Variants in THSD7B observed in about 807,000 individuals in gnomAD.
THSD7B encodes thrombospondin type 1 domain containing 7B.
In THSD7B, 138 loss-of-function variants were observed where a neutral mutation model predicts 213.6. That is an observed-to-expected ratio of 0.65 (90% CI 0.56 to 0.74). The LOEUF is 0.74. Ranked by LOEUF, THSD7B falls within the 30% of genes least tolerant of loss-of-function variation. The pLI, the probability that THSD7B is intolerant of heterozygous loss-of-function variation, is 0.00. For synonymous variants in THSD7B, 742 were observed against 687.0 expected (o/e 1.08, Z -1.25); for missense variants, 1,931 against 1,991.5 (o/e 0.97, Z 0.58).
chr2:136,977,102 T>G (rs1457155893), intron 2 of THSD7B, among the ~76,000 whole-genome samples: 7 of 150,806 alleles, frequency 4.6e-5, no homozygotes, highest in Admixed American at 4.6e-4. Context: ...GGTCCTAAGC[T>G]TTTTTTTTGG....
At chr2:136,880,640 T>C (rs941759243) in intron 1 of THSD7B, among the ~76,000 whole-genome samples, 1 of 152,104 alleles carries the variant, frequency 6.6e-6, no homozygotes, top group African/African-American at 2.4e-5. Flanking sequence ...TTTGCAGTCT[T>C]TCTGTCCTTT....
intron 14 of THSD7B, among the ~76,000 whole-genome samples, chr2:137,421,791 G>T (rs1257454978): frequency 6.6e-6 from 1 of 152,190 alleles, no homozygotes; most frequent in East Asian, 1.9e-4. Flanking sequence ...GAGAGATTCT[G>T]TTTCCTGAGG....
At chr2:137,277,463 G>T (rs1437062023) in intron 12 of THSD7B, among the ~76,000 whole-genome samples, 1 of 151,818 alleles carries the variant, frequency 6.6e-6, no homozygotes, top group Non-Finnish European at 1.5e-5. Context: ...TTCAATTTTA[G>T]GATTATGGAA....
chr2:137,218,160 T>A (rs1273777086), intron 7 of THSD7B, among the ~76,000 whole-genome samples: 1 of 152,094 alleles, frequency 6.6e-6, no homozygotes, highest in Non-Finnish European at 1.5e-5. Context: ...AATAAAATAA[T>A]CCTTATTTCA....
chr2:137,263,715 G>T (rs1381998047), intron 10 of THSD7B, among the ~76,000 whole-genome samples: 1 of 152,050 alleles, frequency 6.6e-6, no homozygotes, highest in African/African-American at 2.4e-5. Context: ...TGTTCATTTT[G>T]AAGTACTTCA....
intron 10 of THSD7B, among the ~76,000 whole-genome samples, chr2:137,261,208 T>C (rs1204602686): frequency 6.6e-6 from 1 of 151,966 alleles, no homozygotes; most frequent in Non-Finnish European, 1.5e-5. Flanking sequence ...GAGTTCTTTG[T>C]GGAGGTGTAG....
chr2:136,931,201 G>C (rs1202113829), intron 2 of THSD7B, among the ~76,000 whole-genome samples: 1 of 152,092 alleles, frequency 6.6e-6, no homozygotes, highest in Non-Finnish European at 1.5e-5. Context: ...TGACAAGTAG[G>C]TCGAAGGGAA....
Position 137,618,500 on chromosome 2 carries a change from G to A in THSD7B, c.3674G>A (p.Cys1225Tyr). 2.5e-6 allele frequency: 4 copies of A among 1,613,746 alleles called. No homozygotes were observed. The highest frequency in any genetic ancestry group is 3.4e-6 in the Non-Finnish European group (4 of 1,179,792). Reference sequence around the variant, plus strand: ...GGCAAGCCAGTCAGCATGGACCAATGTGAGCAGGTACTGTGTTTATATTCA... The same window carrying A: ...GGCAAGCCAGTCAGCATGGACCAATATGAGCAGGTACTGTGTTTATATTCA... The part of the protein sequence containing the change: ...SDGKPVSMDQ[C>Y]EQHNLEKPQR... The change falls in exon 19 of 28, where the codon TGT (cysteine) becomes TAT (tyrosine). Residue 1225 changes from cysteine (C) to tyrosine (Y), a missense_variant. By Grantham distance (194) the Cys-to-Tyr change is radical. Transcript: ENST00000409968.
At chr2:137,045,352 A>C (rs765132151) in intron 2 of THSD7B, among the ~76,000 whole-genome samples, 4 of 152,322 alleles carry the variant, frequency 2.6e-5, no homozygotes, top group Non-Finnish European at 5.9e-5. Context: ...ATACTGCAAC[A>C]TTCAATCTTG....
chr2:137,008,913 A>G (rs1229998573), intron 2 of THSD7B, among the ~76,000 whole-genome samples: 7 of 152,320 alleles, frequency 4.6e-5, no homozygotes, highest in Admixed American at 2.6e-4. Flanking sequence ...TATTTGAAAC[A>G]TCAGCTTGGT....
At chr2:137,038,857 A>C (rs916083801) in intron 2 of THSD7B, among the ~76,000 whole-genome samples, 7 of 152,224 alleles carry the variant, frequency 4.6e-5, no homozygotes, top group Non-Finnish European at 1.0e-4. Flanking sequence ...GGTGAGAGTA[A>C]GTTATATGCT....
chr2:136,984,366 A>G (rs1685635871), intron 2 of THSD7B, among the ~76,000 whole-genome samples: 1 of 152,230 alleles, frequency 6.6e-6, no homozygotes, highest in African/African-American at 2.4e-5. Flanking sequence ...GTTTAGCACC[A>G]TCCTCTAGAA....
chr2:137,000,166 A>G (rs1042728823), intron 2 of THSD7B, among the ~76,000 whole-genome samples: 1 of 152,176 alleles, frequency 6.6e-6, no homozygotes, highest in Non-Finnish European at 1.5e-5. Flanking sequence ...AGAGAAGTTC[A>G]GTTGCTATTA....
intron 1 of THSD7B, among the ~76,000 whole-genome samples, chr2:136,847,126 C>T (rs965873470): frequency 1.3e-5 from 2 of 152,014 alleles, no homozygotes; most frequent in Non-Finnish European, 2.9e-5. Context: ...AATGGAATTG[C>T]TTTGATTTGG....
At chr2:137,326,829 A>G (rs1258220008) in intron 12 of THSD7B, among the ~76,000 whole-genome samples, 1 of 152,220 alleles carries the variant, frequency 6.6e-6, no homozygotes, top group African/African-American at 2.4e-5. Context: ...ACACTAGCAC[A>G]GATCAATATA....
chr2:137,278,031 G>A (rs1173740640), intron 12 of THSD7B, among the ~76,000 whole-genome samples: 3 of 152,090 alleles, frequency 2.0e-5, no homozygotes, highest in Admixed American at 1.3e-4. Flanking sequence ...AGAGGTGGGT[G>A]GAGATGCGGG....
intron 12 of THSD7B, among the ~76,000 whole-genome samples, chr2:137,378,859 C>G (rs1159011719): frequency 6.6e-6 from 1 of 152,134 alleles, no homozygotes; most frequent in African/African-American, 2.4e-5. Context: ...AGATCATCAG[C>G]CAGAGTTTAA....
chr2:136,870,528 A>T (rs1474365615), intron 1 of THSD7B, among the ~76,000 whole-genome samples: 1 of 152,236 alleles, frequency 6.6e-6, no homozygotes, highest in Non-Finnish European at 1.5e-5. Flanking sequence ...TCAGTTATTG[A>T]GCTGTTGTAA....
At chr2:137,049,264 A>G (rs1275374620) in intron 2 of THSD7B, among the ~76,000 whole-genome samples, 7 of 150,244 alleles carry the variant, frequency 4.7e-5, no homozygotes, top group Non-Finnish European at 8.9e-5. Flanking sequence ...CACCAGCTGC[A>G]CTCAAATCAG....
Sources: gnomAD v4.1 joint callset for allele counts (sites outside exome capture counted in the v4.1 genomes callset) on GRCh38, gnomAD v4.1.1 for gene constraint, MANE v1.5 for transcripts, NCBI Gene and HGNC (gene_info 2026-07-23, HGNC 2026-07-21) for gene names.